MARK4: variants seen among roughly 807,000 people sequenced by gnomAD.
The protein encoded by MARK4 is microtubule affinity regulating kinase 4.
Under a neutral mutation model 81.5 loss-of-function variants are expected in MARK4, and 19 were observed. That is an observed-to-expected ratio of 0.23 (90% CI 0.16 to 0.34). MARK4 has a LOEUF of 0.34. MARK4 is among the 10% of genes least tolerant of loss of function. The pLI, the probability that MARK4 is intolerant of heterozygous loss-of-function variation, is 1.00. For missense variants in MARK4, 772 were observed against 1,058.8 expected (o/e 0.73, Z 3.76); for synonymous variants, 436 against 439.0 (o/e 0.99, Z 0.08).
intron 13 of MARK4, among the ~76,000 whole-genome samples, chr19:45,291,765 G>A (rs1259286394): frequency 2.0e-5 from 3 of 152,176 alleles, no homozygotes; most frequent in African/African-American, 7.2e-5. Flanking sequence ...CTGGGTGACA[G>A]GGTGGGACTC....
chr19:45,298,150 C>T, intron 15 of MARK4, 196 bp downstream of exon 15: 2 of 1,614,054 alleles, frequency 1.2e-6, no homozygotes, highest in Non-Finnish European at 1.7e-6. Context: ...CAGGGTTACC[C>T]TCGATCCCTC....
Position 45,263,511 on chromosome 19 carries a change from G to A in MARK4, c.355+144G>A, listed in dbSNP as rs1012013098. The A allele has an allele frequency of 1.7e-4, 164 of 958,992 alleles. 2 individuals carry two copies. The South Asian group carries it at 2.4e-3, about 14-fold the overall frequency. The allele number at this position is 958,992 out of a possible 1,614,324, so 59.4% of individuals were successfully genotyped here. A position where few individuals can be genotyped will look rare whatever the true frequency, so the allele number is the denominator to read the frequency against. ...AATCCCAGCACTTAGGGAGGCCGAG[G>A]CGGGTGGATCACTTGAGGTCAGGAG... On this transcript the variant is annotated intron_variant, in intron 4 of 16. Coordinates refer to ENST00000262891, the MANE Select transcript of MARK4 (RefSeq NM_001199867.2).
intron 1 of MARK4, among the ~76,000 whole-genome samples, chr19:45,255,379 G>A (rs1039418256): frequency 3.3e-5 from 5 of 151,896 alleles, no homozygotes; most frequent in African/African-American, 4.8e-5. Context: ...TGGCCAACAT[G>A]GTGAAACCCC....
intron 2 of MARK4, among the ~76,000 whole-genome samples, chr19:45,262,290 G>A (rs1218615108): frequency 7.9e-6 from 1 of 126,614 alleles, no homozygotes; most frequent in Non-Finnish European, 1.5e-5. Flanking sequence ...TCACACCACT[G>A]TAACACCACT....
chr19:45,285,500 A>G (rs1970731169), intron 12 of MARK4, among the ~76,000 whole-genome samples: 1 of 152,152 alleles, frequency 6.6e-6, no homozygotes, highest in East Asian at 1.9e-4. Context: ...ACCCAGCATG[A>G]GCCCCACACG....
rs763285556 is a variant in MARK4 at position 45,294,441 on chromosome 19, G to A, written c.1587G>A (p.Gly529=). The part of the protein sequence containing the change: ...GAERPSLLPN[G]KENSSGTPRV... ...AGCGCCCGTCACTGTTGCCAAATGG[G>A]AAAGAAAACAGGTACGGAGGGGGCA... is the stretch of plus-strand genomic sequence containing the variant. Residue 529 remains glycine (G), a synonymous_variant, in exon 14 of 17, where the codon GGG becomes GGA. Coordinates refer to ENST00000262891, the MANE Select transcript of MARK4 (RefSeq NM_001199867.2). 5 of 1,614,028 alleles carry A rather than the reference G, an allele frequency of 3.1e-6. No homozygotes were observed. The South Asian group carries it at 5.5e-5, about 18-fold the overall frequency.
chr19:45,298,128 C>T (rs1970915922), intron 15 of MARK4, 174 bp downstream of exon 15: 2 of 1,613,710 alleles, frequency 1.2e-6, no homozygotes, highest in Non-Finnish European at 1.7e-6. Flanking sequence ...CCTCACCTCC[C>T]TCCTCACACT....
intron 7 of MARK4, among the ~76,000 whole-genome samples, chr19:45,269,029 C>A (rs2123049100): frequency 6.6e-6 from 1 of 152,218 alleles, no homozygotes; most frequent in South Asian, 2.1e-4. Flanking sequence ...ACCAAGGGGA[C>A]CAACCCATGT....
chr19:45,256,636 C>T (rs555570562), intron 1 of MARK4, among the ~76,000 whole-genome samples: 13 of 152,222 alleles, frequency 8.5e-5, no homozygotes, highest in Non-Finnish European at 1.8e-4. Context: ...GGAGGAGCCT[C>T]GAGTCCAGAT....
chr19:45,253,713 T>G lies in MARK4; in HGVS notation c.51+2074T>G, dbSNP rs541732701. On this transcript the variant is annotated intron_variant, in intron 1 of 16. Transcript: ENST00000262891. Reference sequence around the variant, plus strand: ...ATGGCCCCCCACTGTTAGGGATGTTTGCAGGAGCCAGCGACGTGATGTGAC... The same window carrying G: ...ATGGCCCCCCACTGTTAGGGATGTTGGCAGGAGCCAGCGACGTGATGTGAC... Among the ~76,000 whole-genome samples the G allele has an allele frequency of 2.6e-5, 4 of 152,272 alleles. No homozygotes were observed. In the East Asian group the frequency reaches 7.7e-4, roughly 29 times the overall value.
In MARK4 at chr19:45,251,507, C is replaced by CGG; in HGVS notation, c.-75_-74dup. On this transcript the variant is annotated 5_prime_UTR_variant, in exon 1 of 17. Transcript: ENST00000262891. ...TTTTGAGCTCGCGTCCCCAGGCCGG[C>CGG]GGGGGGGGAGGGGAAGAGAGGGGAC... The CGG allele has an allele frequency of 1.3e-6, 1 of 799,424 alleles. No individual in the cohort carries two copies. The highest frequency in any genetic ancestry group is 1.8e-6 in the Non-Finnish European group (1 of 551,778). The allele number at this position is 799,424 out of a possible 1,614,324, so 49.5% of individuals were successfully genotyped here.
At chr19:45,253,690 G>A (rs906873216) in intron 1 of MARK4, among the ~76,000 whole-genome samples, 2 of 152,152 alleles carry the variant, frequency 1.3e-5, no homozygotes, top group African/African-American at 4.8e-5. Context: ...GGTTGATGAT[G>A]GCCCCCCACT....
rs1457945248 is a variant in MARK4 at position 45,297,792 on chromosome 19, G to A, written c.1715G>A (p.Gly572Asp). 1 of 1,567,546 alleles carries A rather than the reference G, an allele frequency of 6.4e-7. No individual in the cohort carries two copies. Residue 572 changes from glycine to aspartate, a missense_variant, in exon 15 of 17, where the codon GGC becomes GAC. Around this residue, in one of 3 missense-constraint regions of MARK4, gnomAD observed 548 missense variants for 624.3 expected, o/e 0.88. Transcript: ENST00000262891. The stretch of plus-strand genomic sequence containing the variant: ...ACCATCCGCAGCACCTTCCATGGTG[G>A]CCAGGTCCGGGACCGGCGGGCAGGG... ...GSTIRSTFHG[G>D]QVRDRRAGGG...
Position 45,304,030 on chromosome 19 carries a change from A to G in MARK4, c.*1320A>G, listed in dbSNP as rs1169195717. 6.6e-6 allele frequency: 1 copy of G among 152,274 alleles called. No homozygotes were observed. Among genetic ancestry groups the G allele is most frequent in the Admixed American group, 6.5e-5 (1 of 15,288 alleles). 9.4% of individuals were successfully genotyped at this position (152,274 alleles called of 1,614,324 possible). On this transcript the variant is annotated 3_prime_UTR_variant, in exon 17 of 17. Coordinates refer to ENST00000262891, the MANE Select transcript of MARK4 (RefSeq NM_001199867.2). ...AATGCTGTATTAGGACTAATAATCC[A>G]TCTACGCTGCTTAAGCAAAAAGGTA...
intron 1 of MARK4, 77 bp from the exon 2 acceptor site, chr19:45,258,912 C>T: frequency 6.6e-7 from 1 of 1,506,936 alleles, no homozygotes; most frequent in Non-Finnish European, 9.0e-7. Context: ...GTAGCCAGGC[C>T]TCAAGTTAAG....
chr19:45,265,741 T>G (rs1970444956), intron 6 of MARK4, among the ~76,000 whole-genome samples: 2 of 123,460 alleles, frequency 1.6e-5, no homozygotes, highest in South Asian at 2.8e-4. Flanking sequence ...TGTGTGAGGG[T>G]GCCAGGTGTG....
At chr19:45,293,071 C>T (rs150908522) in intron 13 of MARK4, among the ~76,000 whole-genome samples, 2,922 of 152,224 alleles carry the variant, frequency 0.019, 37 homozygotes, top group Middle Eastern at 0.041. Context: ...AGTTTGAGAC[C>T]AGCCTGGCCA....
Position 45,251,417 on chromosome 19 carries a change from C to T in MARK4, c.-172C>T. ...ACGGGGCCACTAGGACCCTCGGCGT[C>T]CCTTCCCCTCCCCCGCCCTGCCCCC... On this transcript the variant is annotated 5_prime_UTR_variant, in exon 1 of 17. Coordinates refer to ENST00000262891, the MANE Select transcript of MARK4 (RefSeq NM_001199867.2). 3.0e-6 allele frequency: 1 copy of T among 330,452 alleles called. No homozygotes were observed. The highest frequency in any genetic ancestry group is 6.6e-5 in the East Asian group (1 of 15,144). The allele number at this position is 330,452 out of a possible 1,614,324, so 20.5% of individuals were successfully genotyped here.
At chr19:45,287,908 C>G in intron 13 of MARK4, 1 of 577,974 alleles carries the variant, frequency 1.7e-6, no homozygotes. Context: ...GTACTCTTGG[C>G]AGAAAGGATT....
Sources: allele counts gnomAD v4.1 joint callset (sites outside exome capture counted in the v4.1 genomes callset), GRCh38; gene constraint gnomAD v4.1.1; regional missense constraint gnomAD v4.1.1; transcripts MANE v1.5; gene names NCBI Gene and HGNC (gene_info 2026-07-23, HGNC 2026-07-21).